Variants in TAF7L observed in about 807,000 individuals in gnomAD.
The protein encoded by TAF7L is TATA-box binding protein associated factor 7 like, also known as transcription initiation factor TFIID subunit 7-like.
In TAF7L, 6 loss-of-function variants were observed where a neutral mutation model predicts 30.2. The observed-to-expected ratio is 0.20, with a 90% CI of 0.11 to 0.39. The LOEUF (loss-of-function observed/expected upper bound fraction) is 0.39. Ranked by LOEUF, TAF7L falls within the 10% of genes least tolerant of loss-of-function variation. The pLI, the probability that TAF7L is intolerant of heterozygous loss-of-function variation, is 1.00. For synonymous variants in TAF7L, 93 were observed against 94.5 expected, an observed-to-expected ratio of 0.98 and a Z score of 0.09; for missense variants, 284 against 277.1, an observed-to-expected ratio of 1.03 and a Z score of -0.18.
upstream of TAF7L, among the ~76,000 whole-genome samples, chrX:101,292,226 G>A (rs1199135045): frequency 3.7e-5 from 3 of 80,246 alleles, no homozygotes; most frequent in African/African-American, 5.2e-5. Context: ...GCGACAGAGC[G>A]AGACTCCGTC....
chrX:101,291,378 C>T (rs998791541), upstream of TAF7L: 1 of 591,872 alleles, frequency 1.7e-6, no homozygotes, highest in Non-Finnish European at 2.0e-6. Flanking sequence ...CGCGCGCCGG[C>T]CCCTCCCCGC....
In TAF7L at chrX:101,276,422, A is replaced by G. The variant is rs781392469; in HGVS notation, c.798T>C (p.Asp266=). ...DEDEDEDEDE[D]EDKEEEEEDC... ...CTTCCTCCTCCTCTTCTTTGTCTTC[A>G]TCTTCATCCTCATCCTCATCCTCAT... Residue 266 remains aspartate, a synonymous_variant, in exon 10 of 13, where the codon GAT becomes GAC. Coordinates refer to ENST00000356784, the MANE Select transcript of TAF7L (RefSeq NM_001168474.2). 5 of 1,193,738 alleles carry G rather than the reference A, an allele frequency of 4.2e-6. No homozygotes were observed. The African/African-American group carries it at 9.0e-5, about 22-fold the overall frequency.
intron 2 of TAF7L, among the ~76,000 whole-genome samples, chrX:101,286,997 T>C (rs1924628092): frequency 8.9e-6 from 1 of 112,294 alleles, no homozygotes; most frequent in African/African-American, 3.2e-5. Flanking sequence ...AATAGGTTTC[T>C]GAACCCCATC....
chrX:101,275,418 G>A, intron 11 of TAF7L, 137 bp from the exon 12 acceptor site: 2 of 440,262 alleles, frequency 4.5e-6, no homozygotes, highest in South Asian at 8.4e-5. Context: ...ACCCAGGCTG[G>A]AGTGCAGTGG....
chrX:101,277,635 C>A lies in TAF7L; in HGVS notation c.662G>T (p.Ser221Ile). The A allele has an allele frequency of 8.3e-7, 1 of 1,198,795 alleles. No homozygotes were observed. The highest frequency in any genetic ancestry group is 1.1e-6 in the Non-Finnish European group (1 of 890,630). ...CGAGGTATGACCCTGCTTGTGGCTG[C>A]TCATTCCCGAGGATATCAAAAATCC... ...IPGFLISSGM[S>I]SHKQGHTSSE... The change falls in exon 9 of 13, where the codon AGC becomes ATC. Residue 221 changes from serine to isoleucine, a missense_variant. Coordinates refer to ENST00000356784, the MANE Select transcript of TAF7L (RefSeq NM_001168474.2).
chrX:101,288,600 C>CTAT lies in TAF7L; in HGVS notation c.-2-1056_-2-1055insATA, dbSNP rs200884419. On this transcript the variant is annotated intron_variant, in intron 1 of 12. Transcript: ENST00000356784. ...TTGTGTGCATTCTGTATGCCCAGTACTACATTGAGTGCATTAGGTCTATCA... is the reference window on the plus strand; with the variant it reads ...TTGTGTGCATTCTGTATGCCCAGTACTATTACATTGAGTGCATTAGGTCTATCA... Among the ~76,000 whole-genome samples the CTAT allele has an allele frequency of 4.9e-3, 532 of 109,339 alleles. 5 individuals are homozygous for CTAT. The highest frequency in any genetic ancestry group is 0.017 in the African/African-American group (512 of 30,031). The allele number at this position is 109,339 out of a possible 115,157, so 94.9% of individuals were successfully genotyped here. A position where few individuals can be genotyped will look rare whatever the true frequency, so the allele number is the denominator to read the frequency against.
chrX:101,292,290 T>C (rs1446987485), upstream of TAF7L, among the ~76,000 whole-genome samples: 4 of 101,635 alleles, frequency 3.9e-5, no homozygotes, highest in Admixed American at 1.1e-4. Flanking sequence ...ATAATAATAA[T>C]TAGCCAGGCA....
chrX:101,287,550 A>C lies in TAF7L; in HGVS notation c.-2-5T>G, dbSNP rs748698574. 8.3e-7 allele frequency: 1 copy of C among 1,204,501 alleles called. No homozygotes were observed. The highest frequency in any genetic ancestry group is 1.1e-6 in the Non-Finnish European group (1 of 889,995). ...CATCCTGGCTTTCACTCATGTCTTG[A>C]TTTTGAGTTCATGAAAGCAAAAAGA... On this transcript the variant is annotated splice_region_variant and splice_polypyrimidine_tract_variant and intron_variant, in intron 1 of 12. Transcript: ENST00000356784.
At chrX:101,283,735 C>A (rs1217630277) in intron 3 of TAF7L, 152 bp from the exon 4 acceptor site, 3 of 574,480 alleles carry the variant, frequency 5.2e-6, no homozygotes, top group Non-Finnish European at 7.9e-6. Flanking sequence ...CAATTAATAG[C>A]TTCCTAAAGA....
Position 101,268,701 on chromosome X carries a change from GA to G in TAF7L, c.*491del, listed in dbSNP as rs921363611. 12 of 112,272 alleles carry G rather than the reference GA, an allele frequency of 1.1e-4. No homozygotes were observed. Among genetic ancestry groups the G allele is most frequent in the Non-Finnish European group, 2.1e-4 (11 of 53,436 alleles). 9.3% of individuals were successfully genotyped at this position (112,272 alleles called of 1,213,427 possible). A position where few individuals can be genotyped will look rare whatever the true frequency, so the allele number is the denominator to read the frequency against. On this transcript the variant is annotated 3_prime_UTR_variant, in exon 13 of 13. Transcript: ENST00000356784. ...TTTTAGGAAATACTAAAAACCAAAA[GA>G]AAAGCTAAAACATATGCAAACCAAA...
chrX:101,276,899 G>A (rs1370815711), intron 9 of TAF7L, among the ~76,000 whole-genome samples: 1 of 108,806 alleles, frequency 9.2e-6, no homozygotes, highest in Non-Finnish European at 1.9e-5. Context: ...GGAGGCCAAC[G>A]CGGGCAGAAC....
At chrX:101,270,890 AC>A (rs1378565884) in intron 12 of TAF7L, among the ~76,000 whole-genome samples, 1 of 111,212 alleles carries the variant, frequency 9.0e-6, no homozygotes, top group Admixed American at 9.6e-5. Context: ...TAAACTGTTC[AC>A]CCTGGCATCA....
At chrX:101,273,218 C>A (rs1420942342) in intron 12 of TAF7L, among the ~76,000 whole-genome samples, 2 of 111,827 alleles carry the variant, frequency 1.8e-5, no homozygotes, top group Admixed American at 9.5e-5. Context: ...ACCACAAAGC[C>A]CCCCAACCAG....
upstream of TAF7L, among the ~76,000 whole-genome samples, chrX:101,292,247 A>AT (rs1256395500): frequency 5.4e-5 from 2 of 36,831 alleles, no homozygotes; most frequent in Non-Finnish European, 3.7e-5. Flanking sequence ...TCAAAAAAAA[A>AT]AAAATAAATA....
chrX:101,276,057 C>T lies in TAF7L; in HGVS notation c.969G>A (p.Gln323=). The T allele has an allele frequency of 8.3e-7, 1 of 1,207,472 alleles. No individual in the cohort carries two copies. Among genetic ancestry groups the T allele is most frequent in the Non-Finnish European group, 1.1e-6 (1 of 894,386 alleles). The stretch of plus-strand genomic sequence containing the variant: ...GATCCTTCTGTCTTTGTGCTTTATT[C>T]TGAATCTTATGGAGCTTTTTCTCCT... ...EKKEKKLHKI[Q]NKAQRQKDLI... Residue 323 remains glutamine, a synonymous_variant, in exon 11 of 13, where the codon CAG becomes CAA. Transcript: ENST00000356784.
intron 3 of TAF7L, among the ~76,000 whole-genome samples, chrX:101,286,192 A>AAAAAGAAAG (rs1351179470): frequency 2.8e-5 from 3 of 106,254 alleles, no homozygotes; most frequent in African/African-American, 1.1e-4. Flanking sequence ...AAAAAAAAAA[A>AAAAAGAAAG]AAAGAAAGAA....
intron 6 of TAF7L, 88 bp downstream of exon 6, chrX:101,281,632 T>G (rs898877006): frequency 1.1e-6 from 1 of 888,796 alleles, no homozygotes; most frequent in Non-Finnish European, 1.6e-6. Flanking sequence ...AATTAAAAAT[T>G]AATTCCCAAC....
At chrX:101,281,685 C>T (rs371084324) in intron 6 of TAF7L, 35 bp downstream of exon 6, 13 of 1,187,225 alleles carry the variant, frequency 1.1e-5, no homozygotes, top group Admixed American at 8.9e-5. Flanking sequence ...CTCTTCTAAT[C>T]GGCCCGGCAG....
rs761662773 is a variant in TAF7L, at chrX:101,286,578, A to G, written c.142T>C (p.Leu48=). The G allele has an allele frequency of 4.8e-5, 57 of 1,195,427 alleles. No individual in the cohort carries two copies. The highest frequency in any genetic ancestry group is 4.3e-4 in the South Asian group (24 of 56,122). The change falls in exon 3 of 13, where the codon TTG becomes CTG. Residue 48 remains leucine (L), a synonymous_variant. Transcript: ENST00000356784. The part of the protein sequence containing the change: ...KMKDKLKIDL[L]PDGRHAVVEV... ...TGAATGGATATTAACTACTTACGCAATAAGTCAATTTTTAGTTTATCCTTC... is the reference window on the plus strand; with the variant it reads ...TGAATGGATATTAACTACTTACGCAGTAAGTCAATTTTTAGTTTATCCTTC...
Sources: allele counts gnomAD v4.1 joint callset (sites outside exome capture counted in the v4.1 genomes callset), GRCh38; gene constraint gnomAD v4.1.1; transcripts MANE v1.5; gene names NCBI Gene and HGNC (gene_info 2026-07-23, HGNC 2026-07-21).